The following TRMT2B variants were observed in gnomAD, a reference collection of about 807,000 sequenced individuals.
TRMT2B encodes tRNA (uracil-5-)-methyltransferase homolog B.
A neutral mutation model predicts 39.7 loss-of-function variants in TRMT2B; 34 were observed. That is an observed-to-expected ratio of 0.86 (90% confidence interval 0.65 to 1.14). The LOEUF (loss-of-function observed/expected upper bound fraction) is 1.14, where lower values mean the gene tolerates loss of function less well. Ranked by LOEUF, TRMT2B falls within the 50% of genes most tolerant of loss-of-function variation. TRMT2B has a pLI of 0.00. For missense variants in TRMT2B, 318 were observed against 377.2 expected, an observed-to-expected ratio of 0.84 and a Z score of 1.30; for synonymous variants, 132 against 137.3, an observed-to-expected ratio of 0.96 and a Z score of 0.27.
intron 7 of TRMT2B, among the ~76,000 whole-genome samples, chrX:101,026,303 T>G (rs1315839971): frequency 9.2e-6 from 1 of 108,928 alleles, no homozygotes; most frequent in Non-Finnish European, 1.9e-5. Flanking sequence ...ATGGTAAAAC[T>G]CCATCTCTAC....
At chrX:100,999,269 C>T in the TRMT2B span, among the ~76,000 whole-genome samples, 1 of 112,365 alleles carries the variant, frequency 8.9e-6, no homozygotes, top group Non-Finnish European at 1.9e-5. Flanking sequence ...AATAGAATCA[C>T]CTGATGGAAA....
intron 13 of TRMT2B, chrX:101,015,568 T>C (rs2086470084): frequency 1.6e-6 from 1 of 628,999 alleles, no homozygotes; most frequent in East Asian, 1.7e-4. Context: ...TGCCTTTTCA[T>C]ATCCTCGGTT....
At chrX:101,001,571 A>T in the TRMT2B span, among the ~76,000 whole-genome samples, 1 of 110,391 alleles carries the variant, frequency 9.1e-6, no homozygotes, top group Non-Finnish European at 1.9e-5. Flanking sequence ...CTACACTGAA[A>T]GGAACCAGGG....
intron 2 of TRMT2B, among the ~76,000 whole-genome samples, chrX:101,044,054 C>A (rs2088429076): frequency 9.1e-6 from 1 of 109,794 alleles, no homozygotes; most frequent in Non-Finnish European, 1.9e-5. Context: ...CCAGACTGGC[C>A]AATATGGTGA....
intron 13 of TRMT2B, among the ~76,000 whole-genome samples, chrX:101,016,850 C>T (rs913389136): frequency 9.1e-6 from 1 of 110,175 alleles, no homozygotes; most frequent in Non-Finnish European, 1.9e-5. Context: ...GCCACTGTGC[C>T]CAGAAATATT....
At chrX:100,989,686 G>A in the TRMT2B span, among the ~76,000 whole-genome samples, 3 of 111,707 alleles carry the variant, frequency 2.7e-5, no homozygotes, top group Non-Finnish European at 5.6e-5. Flanking sequence ...TAAGCTATGA[G>A]GGCTTAAAGG....
chrX:101,025,827 C>T (rs888083533), intron 7 of TRMT2B, among the ~76,000 whole-genome samples: 3 of 110,500 alleles, frequency 2.7e-5, no homozygotes, highest in African/African-American at 9.9e-5. Context: ...GACATGGTGG[C>T]GGGCACCTGT....
the TRMT2B span, chrX:100,985,781 G>A: frequency 2.5e-6 from 3 of 1,209,601 alleles, no homozygotes; most frequent in Non-Finnish European, 3.4e-6. Context: ...CGGGAAGCAT[G>A]GCCAAACTAC....
chrX:101,037,601 T>C (rs1306313284), intron 5 of TRMT2B: 2 of 189,727 alleles, frequency 1.1e-5, no homozygotes, highest in African/African-American at 6.0e-5. Context: ...GTTTGGAACC[T>C]TTCTAAGGAG....
intron 9 of TRMT2B, among the ~76,000 whole-genome samples, chrX:101,021,615 C>T (rs765390935): frequency 5.5e-5 from 6 of 109,177 alleles, no homozygotes; most frequent in African/African-American, 1.3e-4. Context: ...GGTAACAGAG[C>T]GAGACTCGGT....
the TRMT2B span, among the ~76,000 whole-genome samples, chrX:100,976,539 G>C: frequency 2.7e-5 from 3 of 111,832 alleles, no homozygotes; most frequent in East Asian, 8.4e-4. Flanking sequence ...AATCAACCTA[G>C]TAGGTTGCTC....
chrX:101,038,096 G>A (rs771942410), intron 4 of TRMT2B, 45 bp from the exon 5 acceptor site: 20 of 1,172,554 alleles, frequency 1.7e-5, no homozygotes, highest in Admixed American at 9.0e-5. Flanking sequence ...GGCTGGGCAC[G>A]GTGGCTCACG....
At chrX:100,989,258 G>A in the TRMT2B span, among the ~76,000 whole-genome samples, 1,148 of 111,368 alleles carry the variant, frequency 0.01, 17 homozygotes, top group African/African-American at 0.035. Flanking sequence ...AAGATACTAG[G>A]TGGTTGTGAG....
intron 13 of TRMT2B, among the ~76,000 whole-genome samples, chrX:101,018,749 G>A (rs1191125589): frequency 2.7e-5 from 3 of 111,681 alleles, no homozygotes; most frequent in Non-Finnish European, 3.8e-5. Context: ...CACCGCACCC[G>A]GCTGACACAT....
the TRMT2B span, chrX:100,973,789 C>A: frequency 2.0e-5 from 23 of 1,154,296 alleles, no homozygotes; most frequent in Non-Finnish European, 2.5e-5. Flanking sequence ...TCCACTATTT[C>A]CTCCCACAAA....
chrX:101,040,185 T>A (rs2088136585), intron 4 of TRMT2B, among the ~76,000 whole-genome samples: 1 of 108,074 alleles, frequency 9.3e-6, no homozygotes, highest in Admixed American at 1.0e-4. Context: ...TCCCAGCTAC[T>A]GGGGAGGCTG....
At chrX:101,012,592 G>A (rs1201854983) in intron 13 of TRMT2B, among the ~76,000 whole-genome samples, 2 of 107,874 alleles carry the variant, frequency 1.9e-5, no homozygotes, top group African/African-American at 3.4e-5. Context: ...TTGTTCTTGC[G>A]ATAGTTTACT....
chrX:101,046,598 T>C (rs927452948), intron 2 of TRMT2B, among the ~76,000 whole-genome samples: 1 of 111,032 alleles, frequency 9.0e-6, no homozygotes, highest in African/African-American at 3.3e-5. Context: ...ATCTACCTTA[T>C]ATAGTGGTTG....
the TRMT2B span, among the ~76,000 whole-genome samples, chrX:101,000,630 A>G: frequency 9.1e-6 from 1 of 109,687 alleles, no homozygotes; most frequent in African/African-American, 3.3e-5. Context: ...GAAGAGTAGC[A>G]AGCAGAAAGA....
Sources: gnomAD v4.1 joint callset for allele counts (sites outside exome capture counted in the v4.1 genomes callset) on GRCh38, gnomAD v4.1.1 for gene constraint, MANE v1.5 for transcripts, NCBI Gene and HGNC (gene_info 2026-07-23, HGNC 2026-07-21) for gene names.